Variants in C9 observed in about 807,000 individuals in gnomAD.
C9 encodes complement C9, also known as complement component C9.
A neutral mutation model predicts 65.4 loss-of-function variants in C9; 63 were observed. The ratio of observed to expected loss-of-function variants is 0.96; its 90% CI spans 0.79 to 1.19. C9 has a LOEUF of 1.19. Ranked by LOEUF, C9 falls within the 50% of genes most tolerant of loss-of-function variation. The pLI is 0.00. For synonymous variants in C9, 229 were observed against 227.9 expected (o/e 1.00, Z -0.04); for missense variants, 744 against 670.1 (o/e 1.11, Z -1.22).
chr5:39,324,146 T>A (rs1448542142), intron 5 of C9, among the ~76,000 whole-genome samples: 1 of 152,148 alleles, frequency 6.6e-6, no homozygotes, highest in Non-Finnish European at 1.5e-5. Flanking sequence ...TCATAAAACA[T>A]TGATGAAAGA....
At chr5:39,345,379 T>C (rs776675866) in intron 1 of C9, among the ~76,000 whole-genome samples, 22 of 152,168 alleles carry the variant, frequency 1.4e-4, no homozygotes, top group Non-Finnish European at 3.2e-4. Flanking sequence ...AATCGTAGTC[T>C]CTGATAAAAC....
At chr5:39,341,004 A>T in intron 4 of C9, 142 bp downstream of exon 4, 1 of 938,220 alleles carries the variant, frequency 1.1e-6, no homozygotes, top group Non-Finnish European at 1.7e-6. Flanking sequence ...TTAAGCTTAA[A>T]GGTAGTTCAA....
rs1300264841 is a variant in C9, at chr5:39,341,130, C to G, written c.476+16G>C. On this transcript the variant is annotated intron_variant, in intron 4 of 10. Coordinates refer to ENST00000263408, the MANE Select transcript of C9 (RefSeq NM_001737.5). ...TCACTCATTTTCATCTGAAAAAGTA[C>G]AAGTAAAATACACACCCATAGCCTG... is the stretch of plus-strand genomic sequence containing the variant. The G allele has an allele frequency of 1.2e-6, 2 of 1,613,838 alleles. No individual in the cohort carries two copies. The highest frequency in any genetic ancestry group is 1.1e-5 in the South Asian group (1 of 91,064).
At chr5:39,338,304 G>A (rs1754007641) in intron 4 of C9, among the ~76,000 whole-genome samples, 1 of 152,172 alleles carries the variant, frequency 6.6e-6, no homozygotes, top group African/African-American at 2.4e-5. Context: ...ACCGCTGTGG[G>A]TGTTGGTTGG....
chr5:39,348,304 G>T (rs1421945260), intron 1 of C9, among the ~76,000 whole-genome samples: 2 of 152,042 alleles, frequency 1.3e-5, no homozygotes, highest in African/African-American at 4.8e-5. Context: ...AATCTACAAA[G>T]AACTCAAATA....
chr5:39,316,721 C>T (rs1394603204), intron 5 of C9, among the ~76,000 whole-genome samples: 1 of 152,154 alleles, frequency 6.6e-6, no homozygotes, highest in Non-Finnish European at 1.5e-5. Context: ...TGTATATGTA[C>T]CACATTTTCT....
chr5:39,290,387 G>A (rs1011297714), intron 9 of C9, among the ~76,000 whole-genome samples: 2 of 151,684 alleles, frequency 1.3e-5, no homozygotes, highest in African/African-American at 2.4e-5. Context: ...GCACTTTGGT[G>A]GCAGAGCACT....
At chr5:39,336,576 G>A (rs1753970298) in intron 4 of C9, among the ~76,000 whole-genome samples, 1 of 151,950 alleles carries the variant, frequency 6.6e-6, no homozygotes, top group Non-Finnish European at 1.5e-5. Flanking sequence ...TTAATGAAAT[G>A]AATGAGTCTT....
Position 39,297,121 on chromosome 5 carries a change from A to G in C9, c.1417-8170T>C, listed in dbSNP as rs77487402. Among the ~76,000 whole-genome samples the G allele has an allele frequency of 5.2e-3, 795 of 151,754 alleles. 8 individuals carry two copies. Among genetic ancestry groups the G allele is most frequent in the African/African-American group, 0.018 (741 of 41,510 alleles). On this transcript the variant is annotated intron_variant, in intron 9 of 10. Coordinates refer to ENST00000263408, the MANE Select transcript of C9 (RefSeq NM_001737.5). ...TTACTATAGTTAATAATTATGTGTT[A>G]TTATACATAGTTTCAGGTATCTAGA... is the stretch of plus-strand genomic sequence containing the variant.
At chr5:39,318,096 G>GTT (rs113650431) in intron 5 of C9, among the ~76,000 whole-genome samples, 19 of 147,258 alleles carry the variant, frequency 1.3e-4, no homozygotes, top group African/African-American at 4.2e-4. Flanking sequence ...TATTTTATGG[G>GTT]TTTTTTTTTT....
chr5:39,329,722 G>T (rs79226612), intron 5 of C9, among the ~76,000 whole-genome samples: 4,546 of 152,228 alleles, frequency 0.03, 210 homozygotes, highest in African/African-American at 0.1. Flanking sequence ...AACTGGTGAG[G>T]ATTATATGGA....
intron 1 of C9, among the ~76,000 whole-genome samples, chr5:39,362,555 T>G (rs1754539839): frequency 6.6e-6 from 1 of 152,086 alleles, no homozygotes; most frequent in Non-Finnish European, 1.5e-5. Context: ...TTTGAAGCCA[T>G]CCAGCTTGTG....
chr5:39,349,027 G>T (rs888248586), intron 1 of C9, among the ~76,000 whole-genome samples: 13 of 151,102 alleles, frequency 8.6e-5, no homozygotes, highest in South Asian at 4.2e-4. Context: ...GTTGTGGGGT[G>T]GGGGGGAGGG....
intron 9 of C9, among the ~76,000 whole-genome samples, chr5:39,290,454 AAAAC>A (rs144503664): frequency 0.42 from 63,762 of 150,322 alleles, 14,335 homozygotes; most frequent in East Asian, 0.64. Flanking sequence ...GCCCAGAGCT[AAAAC>A]AAACAAACAA....
intron 4 of C9, among the ~76,000 whole-genome samples, chr5:39,337,993 T>C (rs1157516439): frequency 6.6e-6 from 1 of 152,238 alleles, no homozygotes; most frequent in Non-Finnish European, 1.5e-5. Context: ...TTAGGGAGTG[T>C]ACTCCTATTA....
At chr5:39,316,646 C>T (rs1207701498) in intron 5 of C9, among the ~76,000 whole-genome samples, 2 of 152,194 alleles carry the variant, frequency 1.3e-5, no homozygotes, top group African/African-American at 4.8e-5. Context: ...TGGCTTCCAG[C>T]TCCATCCAAG....
At chr5:39,350,227 A>G (rs1018892918) in intron 1 of C9, among the ~76,000 whole-genome samples, 5 of 152,188 alleles carry the variant, frequency 3.3e-5, no homozygotes, top group Admixed American at 6.5e-5. Flanking sequence ...TGAGAACTCC[A>G]TCATGAGAAC....
At position 39,334,666 on chromosome 5, in the gene C9, G is replaced by A. The variant is rs928039389; in HGVS notation, c.477-2852C>T. On this transcript the variant is annotated intron_variant, in intron 4 of 10. Transcript: ENST00000263408. The stretch of plus-strand genomic sequence containing the variant: ...TGGGAAGTGAGGAGCCCCTCTGCCC[G>A]GCCAGCCGCCCAGTCCGGGAGGGAG... Among the ~76,000 whole-genome samples the A allele has an allele frequency of 6.6e-3, 995 of 150,980 alleles. 18 individuals carry two copies. Among genetic ancestry groups the A allele is most frequent in the African/African-American group, 0.023 (953 of 40,724 alleles).
chr5:39,351,514 G>C lies in C9; in HGVS notation c.78-9318C>G, dbSNP rs1353947570. Among the ~76,000 whole-genome samples the C allele has an allele frequency of 2.0e-5, 3 of 152,132 alleles. No homozygotes were observed. The East Asian group carries it at 5.8e-4, about 29-fold the overall frequency. ...TCTTTGCTTATGCGAATGAGCATAGGATTTTAGAAGCAGCCAGGCCATATT... is the reference window on the plus strand; with the variant it reads ...TCTTTGCTTATGCGAATGAGCATAGCATTTTAGAAGCAGCCAGGCCATATT... On this transcript the variant is annotated intron_variant, in intron 1 of 10. Transcript: ENST00000263408.
Sources: allele counts gnomAD v4.1 joint callset (sites outside exome capture counted in the v4.1 genomes callset), GRCh38; gene constraint gnomAD v4.1.1; transcripts MANE v1.5; gene names NCBI Gene and HGNC (gene_info 2026-07-23, HGNC 2026-07-21).